The following CSN2 variants were observed in gnomAD, a reference collection of about 807,000 sequenced individuals.
CSN2 encodes the protein beta-casein.
CSN2 carries 27 observed loss-of-function variants against 27.3 expected under a neutral mutation model. That is an observed-to-expected ratio of 0.99 (90% CI 0.73 to 1.36). The LOEUF (loss-of-function observed/expected upper bound fraction) is 1.36. Among genes scored for constraint, CSN2 ranks in the 40% most tolerant of loss-of-function variants. The probability of loss-of-function intolerance (pLI) is 0.00; values close to 1 mark genes in which losing one functional copy is unlikely to be tolerated. For synonymous variants in CSN2, 131 were observed against 94.8 expected (o/e 1.38, Z -2.22); for missense variants, 333 against 264.5 (o/e 1.26, Z -1.80).
intron 6 of CSN2, 74 bp from the exon 7 acceptor site, chr4:69,956,429 G>GGCCGGGCGCGGTGGCTCACGCC: frequency 8.4e-7 from 1 of 1,184,720 alleles, no homozygotes. Flanking sequence ...GTTGTAAGTA[G>GGCCGGGCGCGGTGGCTCACGCC]TGAAATAAGC....
chr4:69,959,328 A>C (rs757210287), intron 3 of CSN2, among the ~76,000 whole-genome samples: 13 of 152,134 alleles, frequency 8.5e-5, no homozygotes, highest in Admixed American at 1.3e-4. Context: ...ATTCCCTGAC[A>C]ACAAATGATA....
chr4:69,963,802 T>C (rs919881887), intron 1 of CSN2, among the ~76,000 whole-genome samples: 7 of 152,128 alleles, frequency 4.6e-5, no homozygotes. Context: ...AAAATATTTC[T>C]TTAGAATCTG....
intron 5 of CSN2, among the ~76,000 whole-genome samples, 190 bp downstream of exon 5, chr4:69,958,719 G>A (rs1723478770): frequency 6.6e-6 from 1 of 151,828 alleles, no homozygotes; most frequent in South Asian, 2.1e-4. Context: ...AATTAATTAT[G>A]AGTTTAAAAA....
At chr4:69,964,076 T>G (rs1723710775) in intron 1 of CSN2, among the ~76,000 whole-genome samples, 1 of 152,194 alleles carries the variant, frequency 6.6e-6, no homozygotes, top group Non-Finnish European at 1.5e-5. Context: ...CCAGAGACTT[T>G]ATTGGACTAT....
At chr4:69,964,837 T>A (rs1392667244) in intron 1 of CSN2, among the ~76,000 whole-genome samples, 1 of 149,992 alleles carries the variant, frequency 6.7e-6, no homozygotes, top group Non-Finnish European at 1.5e-5. Flanking sequence ...TATATACTAA[T>A]ACTAATTATA....
intron 5 of CSN2, among the ~76,000 whole-genome samples, chr4:69,958,552 G>GT (rs747699252): frequency 7.7e-4 from 117 of 152,058 alleles, no homozygotes; most frequent in Admixed American, 3.7e-3. Flanking sequence ...TTTTACATAG[G>GT]TTTTTTTACC....
intron 3 of CSN2, 33 bp from the exon 4 acceptor site, chr4:69,959,102 G>T: frequency 8.0e-7 from 1 of 1,244,386 alleles, no homozygotes; most frequent in Non-Finnish European, 1.1e-6. Context: ...ATTAGGTTTA[G>T]TTTTAACAAT....
chr4:69,963,735 A>T (rs140208655), intron 1 of CSN2, among the ~76,000 whole-genome samples: 3 of 152,182 alleles, frequency 2.0e-5, no homozygotes, highest in Non-Finnish European at 4.4e-5. Flanking sequence ...TTAAAGTATA[A>T]TAATAATAAT....
intron 1 of CSN2, among the ~76,000 whole-genome samples, chr4:69,964,068 A>G (rs1346576735): frequency 1.3e-5 from 2 of 152,158 alleles, no homozygotes; most frequent in African/African-American, 4.8e-5. Context: ...GTCACTATCC[A>G]GAGACTTTAT....
At chr4:69,965,330 G>A (rs1172043599) in intron 1 of CSN2, among the ~76,000 whole-genome samples, 1 of 135,282 alleles carries the variant, frequency 7.4e-6, no homozygotes, top group Non-Finnish European at 1.6e-5. Flanking sequence ...TTTTATAACT[G>A]TGATATGCTA....
intron 2 of CSN2, among the ~76,000 whole-genome samples, chr4:69,960,503 C>T (rs1578144920): frequency 1.3e-5 from 2 of 150,944 alleles, no homozygotes; most frequent in South Asian, 4.2e-4. Context: ...TATTTATGAT[C>T]ATGATTATGA....
At chr4:69,956,219 A>ATT in intron 7 of CSN2, 95 bp downstream of exon 7, 2 of 866,278 alleles carry the variant, frequency 2.3e-6, no homozygotes, top group Non-Finnish European at 3.1e-6. Context: ...TATGTATGAA[A>ATT]TTTTCACTGT....
At chr4:69,964,492 T>C (rs773309022) in intron 1 of CSN2, among the ~76,000 whole-genome samples, 5 of 152,090 alleles carry the variant, frequency 3.3e-5, no homozygotes, top group Non-Finnish European at 5.9e-5. Context: ...CTTTAATTTA[T>C]TTGAGAGATG....
intron 1 of CSN2, among the ~76,000 whole-genome samples, chr4:69,965,400 G>T (rs1723767025): frequency 9.0e-6 from 1 of 110,824 alleles, no homozygotes; most frequent in Non-Finnish European, 1.8e-5. Flanking sequence ...CTATGAACTA[G>T]CCTCATACTA....
At chr4:69,961,512 G>A (rs1343015655) in intron 1 of CSN2, among the ~76,000 whole-genome samples, 7 of 152,192 alleles carry the variant, frequency 4.6e-5, no homozygotes, top group Non-Finnish European at 1.0e-4. Flanking sequence ...TGCAGAAAAG[G>A]CCTTTGACAA....
intron 1 of CSN2, among the ~76,000 whole-genome samples, chr4:69,962,492 C>T (rs1461800664): frequency 6.6e-6 from 1 of 151,900 alleles, no homozygotes; most frequent in Non-Finnish European, 1.5e-5. Flanking sequence ...GGAAAGGATT[C>T]CCTATTTAAT....
intron 1 of CSN2, among the ~76,000 whole-genome samples, chr4:69,963,551 C>A (rs1283697232): frequency 2.0e-5 from 3 of 151,070 alleles, no homozygotes; most frequent in Non-Finnish European, 4.4e-5. Context: ...AACACACGGA[C>A]ACAGGAAGGG....
intron 1 of CSN2, among the ~76,000 whole-genome samples, chr4:69,965,439 T>C (rs1723773361): frequency 7.2e-6 from 1 of 138,722 alleles, no homozygotes; most frequent in Non-Finnish European, 1.6e-5. Context: ...TATATATATA[T>C]ATATATGCAT....
chr4:69,958,043 G>C (rs1406842004), intron 5 of CSN2, among the ~76,000 whole-genome samples: 2 of 152,178 alleles, frequency 1.3e-5, no homozygotes, highest in Admixed American at 1.3e-4. Flanking sequence ...TGAAATCAAT[G>C]TTTGGATATT....
Sources: allele counts gnomAD v4.1 joint callset (sites outside exome capture counted in the v4.1 genomes callset), GRCh38; gene constraint gnomAD v4.1.1; transcripts MANE v1.5; gene names NCBI Gene and HGNC (gene_info 2026-07-23, HGNC 2026-07-21).